Variants in RDX observed in about 807,000 individuals in gnomAD.
RDX encodes radixin, also known as deafness, autosomal recessive 24.
RDX carries 32 observed loss-of-function variants against 83.7 expected under a neutral mutation model. The observed-to-expected ratio is 0.38, with a 90% CI of 0.29 to 0.51. The LOEUF (loss-of-function observed/expected upper bound fraction) is 0.51. Ranked by LOEUF, RDX falls within the 20% of genes least tolerant of loss-of-function variation. RDX has a pLI of 0.87. For missense variants in RDX, 600 were observed against 689.9 expected, an observed-to-expected ratio of 0.87 and a Z score of 1.46; for synonymous variants, 229 against 222.7, an observed-to-expected ratio of 1.03 and a Z score of -0.25.
chr11:110,205,950 A>T (rs1209962396), intron 14 of RDX, among the ~76,000 whole-genome samples: 3 of 152,172 alleles, frequency 2.0e-5, no homozygotes, highest in South Asian at 2.1e-4. Flanking sequence ...TAAAGATTTT[A>T]AAAAATACTC....
Position 110,181,823 on chromosome 11 carries a change from G to C in RDX, c.*32-6589C>G, listed in dbSNP as rs117058925. ...AGGGGCATTTTAAGTCAGCTTCACT[G>C]TCCTGCAGCAGTGGCCTGAAAAAAA... On this transcript the variant is annotated intron_variant, in intron 15 of 15. Transcript: ENST00000528498. 5.0e-3 allele frequency: 759 copies of C among 152,680 alleles called. 21 individuals carry two copies. In the East Asian group the frequency reaches 0.069, roughly 14 times the overall value. The allele number at this position is 152,680 out of a possible 1,614,324, so 9.5% of individuals were successfully genotyped here.
intron 10 of RDX, among the ~76,000 whole-genome samples, chr11:110,246,905 T>C (rs1012437379): frequency 2.0e-5 from 3 of 152,234 alleles, no homozygotes; most frequent in Non-Finnish European, 4.4e-5. Context: ...CTGAATAGCT[T>C]GTTTTACCAA....
intron 14 of RDX, among the ~76,000 whole-genome samples, chr11:110,204,871 C>T (rs1863546587): frequency 6.6e-6 from 1 of 152,060 alleles, no homozygotes; most frequent in Admixed American, 6.6e-5. Flanking sequence ...AGCAAAAGTC[C>T]CCAAAGTATT....
intron 3 of RDX, among the ~76,000 whole-genome samples, chr11:110,267,372 G>T (rs1041350150): frequency 6.6e-6 from 1 of 152,012 alleles, no homozygotes. Flanking sequence ...AATTAGCCAG[G>T]TGTGGTGGTG....
At chr11:110,260,501 G>A (rs1005607916) in intron 5 of RDX, among the ~76,000 whole-genome samples, 6 of 152,074 alleles carry the variant, frequency 3.9e-5, no homozygotes, top group African/African-American at 1.2e-4. Context: ...GAGTGCAGTG[G>A]CGCCATCTTG....
chr11:110,195,375 T>C (rs1863182053), intron 15 of RDX, among the ~76,000 whole-genome samples: 1 of 152,208 alleles, frequency 6.6e-6, no homozygotes, highest in African/African-American at 2.4e-5. Context: ...TGCCATCTTA[T>C]GAATTAATAA....
Position 110,199,724 on chromosome 11 carries a change from A to G in RDX, c.1749-46T>C. 5 of 702,956 alleles carry G rather than the reference A, an allele frequency of 7.1e-6. No homozygotes were observed. The Admixed American group carries it at 1.0e-4, about 14-fold the overall frequency. The allele number at this position is 702,956 out of a possible 1,614,324, so 43.5% of individuals were successfully genotyped here. On this transcript the variant is annotated intron_variant, in intron 14 of 15. Coordinates refer to the RDX transcript ENST00000528498. ...AGATTAGAAAGCATTTAGCAAAAGAACACAGTAGGAAGCTGAATGGGCAGG... is the reference window on the plus strand; with the variant it reads ...AGATTAGAAAGCATTTAGCAAAAGAGCACAGTAGGAAGCTGAATGGGCAGG...
At chr11:110,276,264 A>G (rs1017640949) in intron 2 of RDX, among the ~76,000 whole-genome samples, 5 of 152,176 alleles carry the variant, frequency 3.3e-5, no homozygotes, top group African/African-American at 1.2e-4. Flanking sequence ...TAATCCCAAC[A>G]TAATTTATTA....
chr11:110,275,913 T>C (rs1591177696), intron 2 of RDX, among the ~76,000 whole-genome samples: 1 of 151,548 alleles, frequency 6.6e-6, no homozygotes, highest in African/African-American at 2.4e-5. Context: ...GCCTCCCAAG[T>C]AGCTGGGATT....
intron 11 of RDX, chr11:110,236,576 AC>A: frequency 5.3e-6 from 1 of 189,392 alleles, no homozygotes; most frequent in Admixed American, 5.7e-5. Flanking sequence ...CTCATTTAAT[AC>A]CCCAATAATC....
chr11:110,188,340 AT>A (rs1863029797), intron 15 of RDX, among the ~76,000 whole-genome samples: 2 of 141,800 alleles, frequency 1.4e-5, no homozygotes, highest in African/African-American at 5.2e-5. Flanking sequence ...AATAATAACA[AT>A]AATAATGGCA....
At chr11:110,198,659 A>G (rs960019507) in intron 15 of RDX, among the ~76,000 whole-genome samples, 2 of 152,288 alleles carry the variant, frequency 1.3e-5, no homozygotes, top group East Asian at 1.9e-4. Context: ...GAGGTGGAAC[A>G]GTTTCACCCC....
At chr11:110,293,333 T>C (rs1208894524) in intron 1 of RDX, among the ~76,000 whole-genome samples, 1 of 152,216 alleles carries the variant, frequency 6.6e-6, no homozygotes, top group African/African-American at 2.4e-5. Context: ...ACCTTTTCCT[T>C]GACATTTTTC....
intron 2 of RDX, among the ~76,000 whole-genome samples, chr11:110,275,836 G>A (rs1860492602): frequency 1.5e-5 from 2 of 131,630 alleles, no homozygotes; most frequent in Admixed American, 8.9e-5. Context: ...CCAGGCTAGT[G>A]TGCAGTGACG....
chr11:110,292,736 T>C (rs1591193515), intron 1 of RDX, among the ~76,000 whole-genome samples: 2 of 152,086 alleles, frequency 1.3e-5, no homozygotes, highest in South Asian at 4.1e-4. Flanking sequence ...CAATTACTAA[T>C]AGCTTTATAA....
chr11:110,274,213 C>A (rs935424845), intron 2 of RDX, among the ~76,000 whole-genome samples: 6 of 151,874 alleles, frequency 4.0e-5, no homozygotes, highest in African/African-American at 2.4e-5. Context: ...AATAATAAAA[C>A]GAAACCCATA....
intron 15 of RDX, among the ~76,000 whole-genome samples, chr11:110,195,383 T>C (rs1276648159): frequency 6.6e-6 from 1 of 152,212 alleles, no homozygotes; most frequent in Non-Finnish European, 1.5e-5. Flanking sequence ...TATGAATTAA[T>C]AATGCTGCTT....
At chr11:110,245,300 C>T (rs1277473929) in intron 10 of RDX, among the ~76,000 whole-genome samples, 1 of 152,126 alleles carries the variant, frequency 6.6e-6, no homozygotes, top group African/African-American at 2.4e-5. Context: ...GGTGCAATGG[C>T]TCATGCCTAT....
At chr11:110,179,991 T>C in intron 15 of RDX, 1 of 354,848 alleles carries the variant, frequency 2.8e-6, no homozygotes. Flanking sequence ...AACCTCCGCC[T>C]CACAGGTTCA....
Sources: allele counts gnomAD v4.1 joint callset (sites outside exome capture counted in the v4.1 genomes callset), GRCh38; gene constraint gnomAD v4.1.1; transcripts MANE v1.5; gene names NCBI Gene and HGNC (gene_info 2026-07-23, HGNC 2026-07-21).